RBKS: variants seen among roughly 807,000 people sequenced by gnomAD.
RBKS encodes ribokinase.
Under a neutral mutation model 33.9 loss-of-function variants are expected in RBKS, and 33 were observed. That is an observed-to-expected ratio of 0.97 (90% CI 0.74 to 1.30). RBKS has a LOEUF of 1.30. Ranked by LOEUF, RBKS falls within the 50% of genes most tolerant of loss-of-function variation. The pLI is 0.00. For missense variants in RBKS, 361 were observed against 392.6 expected, an observed-to-expected ratio of 0.92 and a Z score of 0.68; for synonymous variants, 125 against 143.0, an observed-to-expected ratio of 0.87 and a Z score of 0.90.
chr2:27,811,202 TC>T (rs1191954796), intron 7 of RBKS, among the ~76,000 whole-genome samples: 1 of 152,230 alleles, frequency 6.6e-6, no homozygotes, highest in Non-Finnish European at 1.5e-5. Context: ...TTCCCTGGGC[TC>T]CTCAGGCTAG....
chr2:27,842,979 G>A, intron 5 of RBKS, 88 bp downstream of exon 5: 1 of 948,574 alleles, frequency 1.1e-6, no homozygotes, highest in Non-Finnish European at 1.5e-6. Context: ...GACAGAAAGA[G>A]TATTGCTTTG....
chr2:27,789,971 A>ATGTGTATATATATATATATATATATATG (rs1553374160), intron 7 of RBKS, among the ~76,000 whole-genome samples: 3 of 128,614 alleles, frequency 2.3e-5, no homozygotes, highest in Admixed American at 7.8e-5. Flanking sequence ...ATATATATAT[A>ATGTGTATATATATATATATATATATATG]TGTATATATA....
In RBKS at chr2:27,795,993, C is replaced by T. The variant is rs1677658838; in HGVS notation, c.796-14205G>A. Reference sequence around the variant, plus strand: ...TTGACCTGACTTATTGGTCCTGGTTCTATCATGTTCTTCTCTTCCCATGAT... The same window carrying T: ...TTGACCTGACTTATTGGTCCTGGTTTTATCATGTTCTTCTCTTCCCATGAT... On this transcript the variant is annotated intron_variant, in intron 7 of 7. Transcript: ENST00000302188. This position sits in a 1 kb window ranked among gnomAD's most constrained non-coding sequence, Gnocchi z 4.1. Among the ~76,000 whole-genome samples the T allele has an allele frequency of 6.6e-6, 1 of 152,154 alleles. No homozygotes were observed. The highest frequency in any genetic ancestry group is 2.4e-5 in the African/African-American group (1 of 41,438).
At chr2:27,836,306 A>G (rs1379885423) in intron 5 of RBKS, among the ~76,000 whole-genome samples, 1 of 152,168 alleles carries the variant, frequency 6.6e-6, no homozygotes, top group Non-Finnish European at 1.5e-5. Context: ...CTTCAACATA[A>G]TTCAAGGTGG....
intron 7 of RBKS, among the ~76,000 whole-genome samples, chr2:27,783,902 G>C (rs1677336777): frequency 9.3e-6 from 1 of 107,544 alleles, no homozygotes; most frequent in African/African-American, 3.7e-5. Flanking sequence ...GCGAGACTCT[G>C]TCTCAGAAAA....
chr2:27,882,267 C>T (rs1043548049), intron 1 of RBKS, among the ~76,000 whole-genome samples: 19 of 152,010 alleles, frequency 1.2e-4, no homozygotes, highest in Non-Finnish European at 2.4e-4. Context: ...AGAACATGAA[C>T]AAACACTTTT....
At chr2:27,804,700 G>T (rs1677862841) in intron 7 of RBKS, among the ~76,000 whole-genome samples, 1 of 152,168 alleles carries the variant, frequency 6.6e-6, no homozygotes, top group Non-Finnish European at 1.5e-5. Context: ...GTTCATTAAA[G>T]AGTTTGTAAA....
At chr2:27,846,340 G>A (rs914214305) in intron 4 of RBKS, among the ~76,000 whole-genome samples, 1 of 152,144 alleles carries the variant, frequency 6.6e-6, no homozygotes, top group African/African-American at 2.4e-5. Context: ...GTCTCACTCT[G>A]TCACGCAGGC....
At chr2:27,806,559 A>T (rs1677899910) in intron 7 of RBKS, among the ~76,000 whole-genome samples, 1 of 152,224 alleles carries the variant, frequency 6.6e-6, no homozygotes, top group African/African-American at 2.4e-5. Context: ...ACCAAGTGTA[A>T]GAACTTGCTC....
chr2:27,844,043 T>C (rs1040582644), intron 4 of RBKS, among the ~76,000 whole-genome samples: 5 of 151,978 alleles, frequency 3.3e-5, no homozygotes, highest in Admixed American at 6.6e-5. Context: ...GGCAGATCAC[T>C]TGAGGTCAGG....
chr2:27,801,963 A>AAAAAT (rs1308232858), intron 7 of RBKS, among the ~76,000 whole-genome samples: 10 of 47,614 alleles, frequency 2.1e-4, no homozygotes, highest in East Asian at 3.9e-4. Flanking sequence ...AAAAAAAAAA[A>AAAAAT]ATATATATAT....
chr2:27,855,728 C>G (rs533524525), intron 2 of RBKS, among the ~76,000 whole-genome samples: 19 of 152,280 alleles, frequency 1.2e-4, no homozygotes, highest in Admixed American at 1.1e-3. Context: ...ATACATGTAT[C>G]ACTGTATAAA....
intron 2 of RBKS, among the ~76,000 whole-genome samples, chr2:27,848,665 C>A (rs1056466131): frequency 5.9e-5 from 9 of 151,992 alleles, no homozygotes; most frequent in African/African-American, 9.7e-5. Context: ...ATTCTATAGA[C>A]AACAAGATTA....
At chr2:27,835,285 A>G (rs905060098) in intron 5 of RBKS, among the ~76,000 whole-genome samples, 19 of 151,976 alleles carry the variant, frequency 1.3e-4, no homozygotes, top group Non-Finnish European at 1.6e-4. Context: ...TCAAAAAAAA[A>G]AAAAAGAAAA....
chr2:27,781,876 AT>A, intron 7 of RBKS, 88 bp from the exon 8 acceptor site: 3 of 1,216,676 alleles, frequency 2.5e-6, no homozygotes, highest in Non-Finnish European at 3.4e-6. Flanking sequence ...AGTAAACTTA[AT>A]TTTAGTTTTA....
chr2:27,851,492 C>G (rs942026237), intron 2 of RBKS, among the ~76,000 whole-genome samples: 1 of 151,896 alleles, frequency 6.6e-6, no homozygotes, highest in Non-Finnish European at 1.5e-5. Context: ...GTTCATTTTC[C>G]TTGGACCCAT....
intron 2 of RBKS, among the ~76,000 whole-genome samples, chr2:27,857,790 T>C (rs1663887931): frequency 6.6e-6 from 1 of 152,328 alleles, no homozygotes; most frequent in Admixed American, 6.5e-5. Context: ...TCCCAGAGGA[T>C]TCAATGAGGT....
chr2:27,832,749 G>A lies in RBKS; in HGVS notation c.543C>T (p.Ala181=). ...AGAACTGGGGATCCAGGTCAGCAAT[G>A]GCAGGGGCTGGATTGAACAAGGTTT... ...GVKTLFNPAP[A]IADLDPQFYT... Residue 181 remains alanine, a synonymous_variant, in exon 6 of 8, where the codon GCC becomes GCT. Transcript: ENST00000302188. The A allele has an allele frequency of 6.2e-7, 1 of 1,612,166 alleles. No individual in the cohort carries two copies. The highest frequency in any genetic ancestry group is 8.5e-7 in the Non-Finnish European group (1 of 1,178,650).
At chr2:27,782,545 A>G (rs1447979596) in intron 7 of RBKS, 1 of 447,940 alleles carries the variant, frequency 2.2e-6, no homozygotes, top group African/African-American at 2.0e-5. Context: ...ACATACCTTA[A>G]TTGGGATATG....
Sources: allele counts gnomAD v4.1 joint callset (sites outside exome capture counted in the v4.1 genomes callset), GRCh38; gene constraint gnomAD v4.1.1; non-coding constraint Gnocchi (gnomAD v3.1); transcripts MANE v1.5; gene names NCBI Gene and HGNC (gene_info 2026-07-23, HGNC 2026-07-21).